Variants in CSDE1 observed in about 807,000 individuals in gnomAD.
The protein encoded by CSDE1 is cold shock domain-containing protein E1.
CSDE1 carries 17 observed loss-of-function variants against 89.3 expected under a neutral mutation model. The ratio of observed to expected loss-of-function variants is 0.19; its 90% CI spans 0.13 to 0.29. The LOEUF (loss-of-function observed/expected upper bound fraction) is 0.29, where lower values mean the gene tolerates loss of function less well. CSDE1 is among the 10% of genes least tolerant of loss of function. The pLI, the probability that CSDE1 is intolerant of heterozygous loss-of-function variation, is 1.00. For missense variants in CSDE1, 672 were observed against 984.2 expected, an observed-to-expected ratio of 0.68 and a Z score of 4.24; for synonymous variants, 322 against 332.8, an observed-to-expected ratio of 0.97 and a Z score of 0.35.
At chr1:114,745,258 A>G (rs942283858) in intron 2 of CSDE1, among the ~76,000 whole-genome samples, 2 of 152,234 alleles carry the variant, frequency 1.3e-5, no homozygotes, top group African/African-American at 2.4e-5. Flanking sequence ...GAAATGTGAA[A>G]AAAGCTTTAT....
intron 2 of CSDE1, among the ~76,000 whole-genome samples, chr1:114,748,052 CAG>C (rs1661111949): frequency 6.6e-6 from 1 of 152,064 alleles, no homozygotes; most frequent in African/African-American, 2.4e-5. Context: ...AATTAAATAA[CAG>C]TGTCTGTTTA....
At position 114,730,633 on chromosome 1, in the gene CSDE1, T is replaced by C. The variant is rs150855272; in HGVS notation, c.1066A>G (p.Met356Val). Residue 356 changes from methionine to valine, a missense_variant, in exon 11 of 20, where the codon ATG becomes GTG. Around this residue, in one of 8 missense-constraint regions of CSDE1, gnomAD observed 169 missense variants for 262.9 expected, o/e 0.64. Coordinates refer to ENST00000358528, the MANE Select transcript of CSDE1 (RefSeq NM_001007553.3). ...TTGATGAAACCAAAACCATCTCTCA[T>C]GGCAGCAATCACACCCTGAAACCCA... Reference protein sequence around the residue: ...EAREMGVIAAMRDGFGFIKCV... With the variant: ...EAREMGVIAAVRDGFGFIKCV... 6.2e-6 allele frequency: 10 copies of C among 1,613,872 alleles called. No individual in the cohort carries two copies. Among genetic ancestry groups the C allele is most frequent in the Admixed American group, 3.3e-5 (2 of 60,016 alleles).
At chr1:114,749,293 C>G (rs1257238572) in intron 2 of CSDE1, among the ~76,000 whole-genome samples, 1 of 73,422 alleles carries the variant, frequency 1.4e-5, no homozygotes, top group Non-Finnish European at 2.3e-5. Flanking sequence ...CCATTAGTAT[C>G]TTATTCATTC....
At chr1:114,722,945 G>A (rs1033304637) in intron 16 of CSDE1, among the ~76,000 whole-genome samples, 4 of 152,256 alleles carry the variant, frequency 2.6e-5, no homozygotes, top group East Asian at 3.9e-4. Flanking sequence ...CTTTATGTTC[G>A]CTGACTCTTA....
At chr1:114,733,920 G>A in intron 8 of CSDE1, 63 bp from the exon 9 acceptor site, 1 of 1,607,156 alleles carries the variant, frequency 6.2e-7, no homozygotes, top group Non-Finnish European at 8.5e-7. Context: ...ATAATTTTAA[G>A]TGTTTCTTAA....
chr1:114,739,956 T>A, intron 2 of CSDE1, 66 bp from the exon 3 acceptor site: 1 of 1,338,224 alleles, frequency 7.5e-7, no homozygotes, highest in Admixed American at 1.9e-5. Flanking sequence ...TTAAGTCTGG[T>A]TAATAAGTCA....
intron 1 of CSDE1, among the ~76,000 whole-genome samples, chr1:114,750,837 G>T (rs111372130): frequency 1.3e-5 from 2 of 152,238 alleles, no homozygotes; most frequent in Admixed American, 6.5e-5. Context: ...TAAGTCAAGC[G>T]AGAATATGCC....
Position 114,717,889 on chromosome 1 carries a change from C to T in CSDE1, c.*280G>A, listed in dbSNP as rs1466173377. The T allele has an allele frequency of 4.9e-6, 2 of 409,204 alleles. No individual in the cohort carries two copies. Among genetic ancestry groups the T allele is most frequent in the South Asian group, 4.9e-5 (1 of 20,382 alleles). 25.3% of individuals were successfully genotyped at this position (409,204 alleles called of 1,614,324 possible). On this transcript the variant is annotated 3_prime_UTR_variant, in exon 20 of 20. Transcript: ENST00000358528. Reference sequence around the variant, plus strand: ...CAGGCAAAGTGGATTCTGCAATTACCAGTTGCGTTAAATGCACCAAATAAA... The same window carrying T: ...CAGGCAAAGTGGATTCTGCAATTACTAGTTGCGTTAAATGCACCAAATAAA...
intron 2 of CSDE1, among the ~76,000 whole-genome samples, chr1:114,743,205 T>C (rs1558004792): frequency 6.6e-6 from 1 of 152,194 alleles, no homozygotes; most frequent in South Asian, 2.1e-4. Context: ...TGAATTAATT[T>C]ATTTTTGAGA....
chr1:114,753,787 G>C (rs1400476066), intron 1 of CSDE1, among the ~76,000 whole-genome samples: 1 of 152,096 alleles, frequency 6.6e-6, no homozygotes, highest in Non-Finnish European at 1.5e-5. Context: ...GTGGTGGCAT[G>C]CACCTGTAGT....
chr1:114,726,462 T>C, intron 13 of CSDE1, 76 bp from the exon 14 acceptor site: 1 of 1,176,492 alleles, frequency 8.5e-7, no homozygotes. Context: ...ACAAGACCTA[T>C]AACTCCCCCA....
At chr1:114,756,709 T>G (rs906641599) in intron 1 of CSDE1, 1 of 152,180 alleles carries the variant, frequency 6.6e-6, no homozygotes, top group African/African-American at 2.4e-5. Flanking sequence ...CCGCCCTGTC[T>G]CCCAACTGTT....
chr1:114,724,811 C>A (rs1659707605), intron 15 of CSDE1, among the ~76,000 whole-genome samples: 1 of 152,098 alleles, frequency 6.6e-6, no homozygotes, highest in South Asian at 2.1e-4. Flanking sequence ...GCAGTCTCAA[C>A]CTACCAGCAC....
chr1:114,735,662 G>A (rs1307281815), intron 6 of CSDE1, among the ~76,000 whole-genome samples: 1 of 152,152 alleles, frequency 6.6e-6, no homozygotes, highest in Non-Finnish European at 1.5e-5. Flanking sequence ...GATAATCCCA[G>A]ACATGCTCTT....
chr1:114,726,524 T>C (rs1343769512), intron 13 of CSDE1, 138 bp from the exon 14 acceptor site: 5 of 658,498 alleles, frequency 7.6e-6, no homozygotes, highest in Non-Finnish European at 1.2e-5. Context: ...ATGAAATTGA[T>C]TTTCACCAAA....
At position 114,737,513 on chromosome 1, in the gene CSDE1, C is replaced by G. The variant is rs1278896427; in HGVS notation, c.360G>C (p.Pro120=). ...HNLESKSPAA[P]GQSPTGSVCY... is the part of the protein sequence containing the mutation. ...ATACACTCCCTGTTGGACTCTGACC[C>G]GGGGCAGCTGGAGATTTACTCTCTA... Residue 120 remains proline (P), a synonymous_variant, in exon 5 of 20, where the codon CCG becomes CCC. Transcript: ENST00000358528. 1.9e-6 allele frequency: 3 copies of G among 1,613,780 alleles called. No individual in the cohort carries two copies. The highest frequency in any genetic ancestry group is 1.3e-5 in the African/African-American group (1 of 74,826).
intron 5 of CSDE1, 65 bp from the exon 6 acceptor site, chr1:114,736,920 A>G: frequency 1.6e-6 from 2 of 1,261,702 alleles, no homozygotes; most frequent in South Asian, 1.3e-5. Context: ...ACTGTGATTT[A>G]CTTACTTAAA....
In CSDE1 at chr1:114,737,529, T is replaced by C. The variant is rs2101050827; in HGVS notation, c.344A>G (p.Lys115Arg). Residue 115 changes from lysine (K) to arginine (R), a missense_variant, in exon 5 of 20, where the codon AAA (lysine) becomes AGA (arginine). Physicochemically the swap from Lys to Arg is conservative, Grantham distance 26. Transcript: ENST00000358528. ...VCAVPHNLES[K>R]SPAAPGQSPT... ...ACTCTGACCCGGGGCAGCTGGAGAT[T>C]TACTCTCTAAGTTGTGAGGAACAGC... The C allele has an allele frequency of 1.2e-6, 2 of 1,614,042 alleles. No individual in the cohort carries two copies. Among genetic ancestry groups the C allele is most frequent in the Non-Finnish European group, 1.7e-6 (2 of 1,180,000 alleles).
rs552582842 is a variant in CSDE1 at position 114,757,944 on chromosome 1, C to G, written c.-407G>C. The G allele has an allele frequency of 1.3e-5, 2 of 152,886 alleles. No individual in the cohort carries two copies. The highest frequency in any genetic ancestry group is 2.9e-5 in the Non-Finnish European group (2 of 68,256). 9.5% of individuals were successfully genotyped at this position (152,886 alleles called of 1,614,324 possible). ...ACTCACCCCAACAGCTCAGCGCCCC[C>G]TCTCCAGCGCCGCCATAAGCAGCAC... On this transcript the variant is annotated 5_prime_UTR_variant, in exon 1 of 20. Transcript: ENST00000358528.
Sources: gnomAD v4.1 joint callset for allele counts (sites outside exome capture counted in the v4.1 genomes callset) on GRCh38, gnomAD v4.1.1 for gene constraint, gnomAD v4.1.1 regional missense constraint, MANE v1.5 for transcripts, NCBI Gene and HGNC (gene_info 2026-07-23, HGNC 2026-07-21) for gene names.